CARF: variants seen among roughly 807,000 people sequenced by gnomAD.
CARF encodes calcium responsive transcription factor.
In CARF, 57 loss-of-function variants were observed where a neutral mutation model predicts 82.0. The ratio of observed to expected loss-of-function variants is 0.70; its 90% CI spans 0.56 to 0.87. The LOEUF (loss-of-function observed/expected upper bound fraction) is 0.87, where lower values mean the gene tolerates loss of function less well. Among genes scored for constraint, CARF ranks in the 40% least tolerant of loss-of-function variants. The pLI, the probability that CARF is intolerant of heterozygous loss-of-function variation, is 0.00. For synonymous variants in CARF, 268 were observed against 290.1 expected, an observed-to-expected ratio of 0.92 and a Z score of 0.77; for missense variants, 771 against 855.8, an observed-to-expected ratio of 0.90 and a Z score of 1.24.
chr2:202,948,589 T>G (rs1221199664), intron 5 of CARF, among the ~76,000 whole-genome samples: 1 of 152,174 alleles, frequency 6.6e-6, no homozygotes, highest in Non-Finnish European at 1.5e-5. Context: ...ATCCTAGGTA[T>G]TTTATTCTTT....
chr2:202,914,978 G>A (rs1689342457), intron 1 of CARF, among the ~76,000 whole-genome samples: 1 of 151,620 alleles, frequency 6.6e-6, no homozygotes, highest in Non-Finnish European at 1.5e-5. Context: ...TTTTTGAGTT[G>A]GAGGGTTTTT....
At chr2:202,955,180 T>C (rs2058979392) in intron 7 of CARF, among the ~76,000 whole-genome samples, 1 of 152,190 alleles carries the variant, frequency 6.6e-6, no homozygotes, top group Non-Finnish European at 1.5e-5. Context: ...TAGGGAAATA[T>C]GTACATGGCT....
chr2:202,931,527 C>T (rs1417707338), intron 3 of CARF, among the ~76,000 whole-genome samples: 2 of 152,160 alleles, frequency 1.3e-5, no homozygotes, highest in Admixed American at 1.3e-4. Context: ...TAGCGTCATA[C>T]TTCCTTGTGT....
chr2:202,918,376 C>A (rs1574457036), intron 2 of CARF, among the ~76,000 whole-genome samples: 1 of 151,962 alleles, frequency 6.6e-6, no homozygotes, highest in Non-Finnish European at 1.5e-5. Context: ...AAAAAATTAG[C>A]CGGGCATGGT....
intron 3 of CARF, among the ~76,000 whole-genome samples, chr2:202,935,123 T>C (rs1559204222): frequency 2.1e-5 from 3 of 143,112 alleles, no homozygotes; most frequent in Non-Finnish European, 4.5e-5. Context: ...TATATAATTA[T>C]TTATAATTAT....
chr2:202,967,090 T>G lies in CARF; in HGVS notation c.945T>G (p.Cys315Trp), dbSNP rs1177117926. Residue 315 changes from cysteine (C) to tryptophan (W), a missense_variant, in exon 10 of 17, where the codon TGT becomes TGG. Physicochemically the swap from Cys to Trp is radical, Grantham distance 215. Transcript: ENST00000438828. Reference protein sequence around the residue: ...SRSCQLYKATCPARIYIKKVQ... With the variant: ...SRSCQLYKATWPARIYIKKVQ... Reference sequence around the variant, plus strand: ...CTTGTCAGCTCTACAAAGCCACTTGTCCAGCTCGGTAAGCTTTATTTTCTT... The same window carrying G: ...CTTGTCAGCTCTACAAAGCCACTTGGCCAGCTCGGTAAGCTTTATTTTCTT... 1 of 1,613,440 alleles carries G rather than the reference T, an allele frequency of 6.2e-7. No homozygotes were observed. The highest frequency in any genetic ancestry group is 8.5e-7 in the Non-Finnish European group (1 of 1,179,864).
At chr2:202,940,031 G>C (rs1183920209) in intron 3 of CARF, among the ~76,000 whole-genome samples, 1 of 148,792 alleles carries the variant, frequency 6.7e-6, no homozygotes, top group Admixed American at 6.7e-5. Flanking sequence ...TTCTTTGTTT[G>C]TTTGTTTGTT....
At chr2:202,975,076 C>T (rs141231789) in intron 13 of CARF, among the ~76,000 whole-genome samples, 5,912 of 151,546 alleles carry the variant, frequency 0.039, 373 homozygotes, top group African/African-American at 0.13. Context: ...TGTGGGAGGC[C>T]GAGGCGGGCA....
intron 5 of CARF, among the ~76,000 whole-genome samples, chr2:202,950,549 C>T (rs922575921): frequency 6.6e-6 from 1 of 151,842 alleles, no homozygotes; most frequent in Non-Finnish European, 1.5e-5. Flanking sequence ...TATTGTTTTG[C>T]TTTTGTCTTT....
In CARF at chr2:202,942,856, G is replaced by A; in HGVS notation, c.195G>A (p.Gly65=). ...CACTCATATCACAGAATATACCAGG[G>A]CCCCTGACTCAGACACAGACTCTTT... ...NNSLISQNIP[G]PLTQTQTLSA... Residue 65 remains glycine, a synonymous_variant, in exon 5 of 17, where the codon GGG becomes GGA. Transcript: ENST00000438828. The A allele has an allele frequency of 1.9e-6, 3 of 1,613,918 alleles. No individual in the cohort carries two copies. Among genetic ancestry groups the A allele is most frequent in the Non-Finnish European group, 2.5e-6 (3 of 1,179,980 alleles).
chr2:202,966,515 C>G (rs1204939792), intron 9 of CARF, among the ~76,000 whole-genome samples: 2 of 152,074 alleles, frequency 1.3e-5, no homozygotes, highest in Non-Finnish European at 2.9e-5. Flanking sequence ...AGTTCAAAAC[C>G]AGCCTGGACA....
At chr2:202,939,161 G>A (rs1355429622) in intron 3 of CARF, among the ~76,000 whole-genome samples, 2 of 152,048 alleles carry the variant, frequency 1.3e-5, no homozygotes, top group African/African-American at 2.4e-5. Context: ...GTAAGGCTTC[G>A]TTTATCTGTG....
chr2:202,950,307 G>A (rs1005279243), intron 5 of CARF, among the ~76,000 whole-genome samples: 8 of 152,078 alleles, frequency 5.3e-5, no homozygotes, highest in Non-Finnish European at 1.0e-4. Flanking sequence ...TATGAAACTT[G>A]TATATGATTG....
chr2:202,974,717 G>A (rs1574779456), intron 13 of CARF, among the ~76,000 whole-genome samples: 1 of 151,820 alleles, frequency 6.6e-6, no homozygotes, highest in African/African-American at 2.4e-5. Flanking sequence ...TGGCCAACAC[G>A]GTGAAACCCC....
intron 10 of CARF, 29 bp from the exon 11 acceptor site, chr2:202,969,890 A>G: frequency 7.4e-7 from 1 of 1,346,526 alleles, no homozygotes; most frequent in South Asian, 1.5e-5. Flanking sequence ...TAATATAATG[A>G]AACAAATTCT....
rs992724174 is a variant in CARF at position 202,917,998 on chromosome 2, T to C, written c.-208T>C. 17 of 451,210 alleles carry C rather than the reference T, an allele frequency of 3.8e-5. No individual in the cohort carries two copies. Among genetic ancestry groups the C allele is most frequent in the African/African-American group, 6.0e-5 (3 of 49,844 alleles). 28.0% of individuals were successfully genotyped at this position (451,210 alleles called of 1,614,324 possible). A position where few individuals can be genotyped will look rare whatever the true frequency, so the allele number is the denominator to read the frequency against. ...CAAGAAAGGACATTTCTGGGGGTAG[T>C]AGAATGCTTGAGGCCTGGAATTTAA... On this transcript the variant is annotated 5_prime_UTR_variant, in exon 2 of 17. Transcript: ENST00000438828.
intron 1 of CARF, 56 bp downstream of exon 1, chr2:202,913,158 T>C (rs1254726925): frequency 2.0e-5 from 3 of 152,208 alleles, no homozygotes; most frequent in South Asian, 4.1e-4. Flanking sequence ...AAAGATGTCC[T>C]ACTGTAAGGT....
At chr2:202,930,851 C>T (rs1360881623) in intron 3 of CARF, among the ~76,000 whole-genome samples, 1 of 152,028 alleles carries the variant, frequency 6.6e-6, no homozygotes, top group African/African-American at 2.4e-5. Flanking sequence ...TCTTCTTCCT[C>T]TCCCTTAGCC....
At position 202,983,366 on chromosome 2, in the gene CARF, T is replaced by C. The variant is rs567601293; in HGVS notation, c.2060-140T>C. On this transcript the variant is annotated intron_variant, in intron 16 of 16. Transcript: ENST00000438828. ...ATGAATTGTTCTGGATTGGGCACTT[T>C]TGTGGGAAAAGATTTGCAGTTTGCT... 12 of 608,858 alleles carry C rather than the reference T, an allele frequency of 2.0e-5. No homozygotes were observed. The Admixed American group carries it at 2.2e-4, about 11-fold the overall frequency. 37.7% of individuals were successfully genotyped at this position (608,858 alleles called of 1,614,324 possible). A position where few individuals can be genotyped will look rare whatever the true frequency, so the allele number is the denominator to read the frequency against.
Sources: allele counts gnomAD v4.1 joint callset (sites outside exome capture counted in the v4.1 genomes callset), GRCh38; gene constraint gnomAD v4.1.1; transcripts MANE v1.5; gene names NCBI Gene and HGNC (gene_info 2026-07-23, HGNC 2026-07-21).